PLXDC2: variants seen among roughly 807,000 people sequenced by gnomAD.
PLXDC2 encodes plexin domain-containing protein 2.
A neutral mutation model predicts 68.9 loss-of-function variants in PLXDC2; 40 were observed. That is an observed-to-expected ratio of 0.58 (90% CI 0.45 to 0.76). PLXDC2 has a LOEUF of 0.76. PLXDC2 is among the 30% of genes least tolerant of loss of function. The probability of loss-of-function intolerance (pLI) is 0.00; values close to 1 mark genes in which losing one functional copy is unlikely to be tolerated. For missense variants in PLXDC2, 644 were observed against 661.9 expected (o/e 0.97, Z 0.30); for synonymous variants, 243 against 234.2 (o/e 1.04, Z -0.34).
At chr10:20,128,252 G>T (rs1183149331) in intron 4 of PLXDC2, among the ~76,000 whole-genome samples, 1 of 152,118 alleles carries the variant, frequency 6.6e-6, no homozygotes, top group African/African-American at 2.4e-5. Context: ...TTGACAACAG[G>T]ATCTCCATAT....
At chr10:20,075,467 G>A (rs1836423781) in intron 4 of PLXDC2, among the ~76,000 whole-genome samples, 1 of 152,142 alleles carries the variant, frequency 6.6e-6, no homozygotes, top group Admixed American at 6.6e-5. Context: ...TGGGATTACA[G>A]GTGTGAGACA....
intron 1 of PLXDC2, among the ~76,000 whole-genome samples, chr10:19,867,267 G>T (rs1322526729): frequency 6.6e-6 from 1 of 151,920 alleles, no homozygotes; most frequent in Non-Finnish European, 1.5e-5. Flanking sequence ...GTTTTACTCT[G>T]TTGGTCAGCC....
intron 1 of PLXDC2, among the ~76,000 whole-genome samples, chr10:19,926,483 G>T (rs1833538437): frequency 6.6e-6 from 1 of 152,140 alleles, no homozygotes. Flanking sequence ...AAATTCACGG[G>T]CTTGCTGCAC....
At chr10:19,889,388 A>G (rs1237596007) in intron 1 of PLXDC2, among the ~76,000 whole-genome samples, 1 of 152,128 alleles carries the variant, frequency 6.6e-6, no homozygotes, top group Non-Finnish European at 1.5e-5. Context: ...CTGGAATGCA[A>G]ATCATTAAAT....
chr10:20,209,388 G>A (rs1183611953), intron 9 of PLXDC2, among the ~76,000 whole-genome samples: 1 of 151,970 alleles, frequency 6.6e-6, no homozygotes, highest in Non-Finnish European at 1.5e-5. Context: ...GCCTGTTGTG[G>A]GGTGGGGGAA....
At chr10:20,159,837 C>T (rs953855979) in intron 6 of PLXDC2, among the ~76,000 whole-genome samples, 1 of 152,166 alleles carries the variant, frequency 6.6e-6, no homozygotes, top group African/African-American at 2.4e-5. Flanking sequence ...ATCCACATGA[C>T]AGATTTTCTT....
chr10:20,086,903 CA>C (rs1371502687), intron 4 of PLXDC2, among the ~76,000 whole-genome samples: 1 of 152,090 alleles, frequency 6.6e-6, no homozygotes, highest in African/African-American at 2.4e-5. Context: ...AATGTCTCTC[CA>C]AAGATTAAAG....
chr10:19,862,296 TC>T (rs1837333403), intron 1 of PLXDC2, among the ~76,000 whole-genome samples: 1 of 152,166 alleles, frequency 6.6e-6, no homozygotes, highest in Non-Finnish European at 1.5e-5. Context: ...TGTGCCCAGT[TC>T]CTCAGATACG....
chr10:19,974,760 T>C (rs1374973940), intron 1 of PLXDC2, among the ~76,000 whole-genome samples: 1 of 152,202 alleles, frequency 6.6e-6, no homozygotes, highest in Non-Finnish European at 1.5e-5. Flanking sequence ...TGGCATTCAA[T>C]AGATTTCAGT....
chr10:20,099,483 C>T (rs1216363583), intron 4 of PLXDC2, among the ~76,000 whole-genome samples: 2 of 152,160 alleles, frequency 1.3e-5, no homozygotes, highest in Admixed American at 6.6e-5. Context: ...GAATATTTCA[C>T]GTACTTTCAT....
intron 2 of PLXDC2, among the ~76,000 whole-genome samples, chr10:20,039,811 G>A (rs1252822741): frequency 6.6e-6 from 1 of 152,150 alleles, no homozygotes; most frequent in African/African-American, 2.4e-5. Flanking sequence ...GAATTAACCA[G>A]TCAATATAAG....
intron 13 of PLXDC2, among the ~76,000 whole-genome samples, chr10:20,253,758 G>A (rs144595681): frequency 1.3e-4 from 20 of 152,120 alleles, no homozygotes; most frequent in East Asian, 5.8e-4. Flanking sequence ...TATGAGTTTC[G>A]TATTATTCTC....
chr10:19,833,904 A>G (rs770022374), intron 1 of PLXDC2, among the ~76,000 whole-genome samples: 26 of 152,178 alleles, frequency 1.7e-4, no homozygotes, highest in Non-Finnish European at 3.2e-4. Context: ...AAATCTTTAA[A>G]AAGCATTCAG....
chr10:20,123,369 C>T (rs1413741791), intron 4 of PLXDC2, among the ~76,000 whole-genome samples: 1 of 152,008 alleles, frequency 6.6e-6, no homozygotes, highest in Non-Finnish European at 1.5e-5. Flanking sequence ...TAGAGAGGGA[C>T]CGATGTGTAA....
At position 20,282,939 on chromosome 10, in the gene PLXDC2, T is replaced by TA. The variant is rs1271153239; in HGVS notation, c.*3124dup. On this transcript the variant is annotated 3_prime_UTR_variant, in exon 14 of 14. Transcript: ENST00000377252. ...CACTAGCCAACGTGGCTTTTGAAAT[T>TA]AAAATTAATTAAAATTAAATTAAAA... The TA allele has an allele frequency of 6.6e-6, 1 of 152,190 alleles. No homozygotes were observed. The highest frequency in any genetic ancestry group is 1.5e-5 in the Non-Finnish European group (1 of 68,028). The allele number at this position is 152,190 out of a possible 1,614,324, so 9.4% of individuals were successfully genotyped here.
At chr10:20,073,061 C>A (rs1473238120) in intron 4 of PLXDC2, among the ~76,000 whole-genome samples, 1 of 152,042 alleles carries the variant, frequency 6.6e-6, no homozygotes, top group African/African-American at 2.4e-5. Flanking sequence ...CTAAATAGAC[C>A]TGGGCTGGGA....
In PLXDC2 at chr10:20,211,189, A is replaced by G. The variant is rs534503842; in HGVS notation, c.1062-480A>G. 3.3e-5 allele frequency among the ~76,000 whole-genome samples: 5 copies of G among 152,268 alleles called. No homozygotes were observed. The East Asian group carries it at 9.7e-4, about 29-fold the overall frequency. ...TGAAAACCCCACAACTGCCAAGTTA[A>G]CATTTTACTGCACAAAAGGGAAAGA... On this transcript the variant is annotated intron_variant, in intron 9 of 13. Transcript: ENST00000377252.
At chr10:19,826,372 A>T (rs1836569352) in intron 1 of PLXDC2, among the ~76,000 whole-genome samples, 1 of 152,204 alleles carries the variant, frequency 6.6e-6, no homozygotes, top group Non-Finnish European at 1.5e-5. Flanking sequence ...TAATTCCAGG[A>T]AACAAAAATT....
intron 12 of PLXDC2, among the ~76,000 whole-genome samples, chr10:20,236,492 A>G (rs911147199): frequency 1.3e-5 from 2 of 152,154 alleles, no homozygotes; most frequent in Admixed American, 1.3e-4. Flanking sequence ...TTAAATAGGG[A>G]AAAATGATAA....
Sources: allele counts gnomAD v4.1 joint callset (sites outside exome capture counted in the v4.1 genomes callset), GRCh38; gene constraint gnomAD v4.1.1; transcripts MANE v1.5; gene names NCBI Gene and HGNC (gene_info 2026-07-23, HGNC 2026-07-21).